GLIS3: variants seen among roughly 807,000 people sequenced by gnomAD.
The protein encoded by GLIS3 is zinc finger protein GLIS3.
In GLIS3, 53 loss-of-function variants were observed where a neutral mutation model predicts 78.6. The observed-to-expected ratio is 0.67, with a 90% CI of 0.54 to 0.85. The LOEUF (loss-of-function observed/expected upper bound fraction) is 0.85, where lower values mean the gene tolerates loss of function less well. Ranked by LOEUF, GLIS3 falls within the 40% of genes least tolerant of loss-of-function variation. The pLI is 0.00. For synonymous variants in GLIS3, 684 were observed against 509.9 expected, an observed-to-expected ratio of 1.34 and a Z score of -4.60; for missense variants, 1,703 against 1,231.1, an observed-to-expected ratio of 1.38 and a Z score of -5.74.
intron 6 of GLIS3, among the ~76,000 whole-genome samples, chr9:3,926,171 C>T (rs1446145329): frequency 1.3e-5 from 2 of 150,524 alleles, no homozygotes; most frequent in Non-Finnish European, 3.0e-5. Context: ...GTATCAGGTT[C>T]TTTTTTTAAA....
intron 2 of GLIS3, among the ~76,000 whole-genome samples, chr9:4,168,059 G>C (rs1477895715): frequency 1.3e-5 from 2 of 152,102 alleles, no homozygotes; most frequent in African/African-American, 2.4e-5. Flanking sequence ...AAAATACCTG[G>C]CCCGGTTAAA....
chr9:4,285,407 C>T (rs1467741221), intron 2 of GLIS3: 2 of 152,036 alleles, frequency 1.3e-5, no homozygotes, highest in Admixed American at 6.5e-5. Flanking sequence ...TCAAATTGAC[C>T]AGGTTTTCTA....
At chr9:3,911,891 C>T (rs965247090) in intron 6 of GLIS3, among the ~76,000 whole-genome samples, 18 of 152,294 alleles carry the variant, frequency 1.2e-4, no homozygotes, top group Admixed American at 1.2e-3. Context: ...GTAACATGCA[C>T]TCCTGTTTTC....
chr9:3,862,425 A>G (rs955507610), intron 8 of GLIS3, among the ~76,000 whole-genome samples: 1 of 152,200 alleles, frequency 6.6e-6, no homozygotes, highest in African/African-American at 2.4e-5. Context: ...TGCACAACAT[A>G]GTATATACCT....
chr9:4,154,817 T>C (rs757359630), intron 2 of GLIS3, among the ~76,000 whole-genome samples: 46 of 152,194 alleles, frequency 3.0e-4, no homozygotes, highest in Non-Finnish European at 5.4e-4. Flanking sequence ...CCTATGGACA[T>C]ATTTAGACAT....
the GLIS3 span, among the ~76,000 whole-genome samples, chr9:4,413,086 G>T: frequency 6.6e-6 from 1 of 152,164 alleles, no homozygotes; most frequent in East Asian, 1.9e-4. Flanking sequence ...AATACAACAT[G>T]CTCAATAGAT....
intron 4 of GLIS3, among the ~76,000 whole-genome samples, chr9:3,967,246 G>A (rs537021342): frequency 1.3e-5 from 2 of 152,300 alleles, no homozygotes; most frequent in South Asian, 2.1e-4. Context: ...GCCCATGCCT[G>A]TAATCCCAGC....
intron 4 of GLIS3, among the ~76,000 whole-genome samples, chr9:4,023,874 A>T (rs1823086691): frequency 6.6e-6 from 1 of 152,180 alleles, no homozygotes; most frequent in South Asian, 2.1e-4. Flanking sequence ...AAAAACTCAT[A>T]CAGCATTTTG....
intron 10 of GLIS3, 43 bp from the exon 11 acceptor site, chr9:3,828,451 A>T (rs374480904): frequency 6.2e-7 from 1 of 1,609,698 alleles, no homozygotes; most frequent in African/African-American, 1.3e-5. Flanking sequence ...CTCCTGCCCC[A>T]TGCCACGCCC....
intron 6 of GLIS3, among the ~76,000 whole-genome samples, chr9:3,899,368 A>G (rs945792732): frequency 2.6e-5 from 4 of 152,210 alleles, no homozygotes; most frequent in African/African-American, 7.2e-5. Context: ...ACAAAACTCC[A>G]ACAGTCAGTT....
At chr9:4,019,111 T>C (rs1388546007) in intron 4 of GLIS3, among the ~76,000 whole-genome samples, 1 of 152,138 alleles carries the variant, frequency 6.6e-6, no homozygotes, top group Non-Finnish European at 1.5e-5. Flanking sequence ...TGATGCGGGA[T>C]GAAGGATGGG....
chr9:4,012,259 A>G (rs1822075568), intron 4 of GLIS3, among the ~76,000 whole-genome samples: 1 of 152,202 alleles, frequency 6.6e-6, no homozygotes, highest in African/African-American at 2.4e-5. Flanking sequence ...GCCTGGCATG[A>G]GCAACATCAA....
chr9:4,330,482 T>G (rs1486666879), intron 2 of GLIS3, among the ~76,000 whole-genome samples: 1 of 152,154 alleles, frequency 6.6e-6, no homozygotes, highest in Non-Finnish European at 1.5e-5. Flanking sequence ...AAAGACCCAG[T>G]CAGTCAAAGA....
At chr9:4,302,493 A>T (rs1303407651), upstream of GLIS3, among the ~76,000 whole-genome samples, 1 of 152,260 alleles carries the variant, frequency 6.6e-6, no homozygotes, top group African/African-American at 2.4e-5. Context: ...AGGATATTAC[A>T]GAAAACTTTT....
chr9:4,257,417 T>G (rs190386175), intron 2 of GLIS3, among the ~76,000 whole-genome samples: 144 of 152,288 alleles, frequency 9.5e-4, no homozygotes, highest in African/African-American at 3.4e-3. Context: ...GCATAAGGAC[T>G]AAAGTTAATA....
intron 4 of GLIS3, among the ~76,000 whole-genome samples, chr9:4,014,513 G>C (rs1822283867): frequency 6.6e-6 from 1 of 152,162 alleles, no homozygotes; most frequent in Admixed American, 6.5e-5. Context: ...ATGGCCATGT[G>C]AAAATGCAGG....
At chr9:4,284,601 AG>A (rs1156874581) in intron 2 of GLIS3, among the ~76,000 whole-genome samples, 2 of 151,936 alleles carry the variant, frequency 1.3e-5, no homozygotes, top group Admixed American at 6.6e-5. Context: ...CCAAAAAAAA[AG>A]AAGAAGAAGA....
the GLIS3 span, among the ~76,000 whole-genome samples, chr9:4,360,919 C>A: frequency 6.6e-6 from 1 of 152,226 alleles, no homozygotes; most frequent in Non-Finnish European, 1.5e-5. Flanking sequence ...AGAGGAATAT[C>A]TGATGGCATT....
At chr9:4,227,254 A>G (rs1179906846) in intron 2 of GLIS3, among the ~76,000 whole-genome samples, 1 of 151,808 alleles carries the variant, frequency 6.6e-6, no homozygotes, top group Non-Finnish European at 1.5e-5. Context: ...CTAGAAAGAC[A>G]GGACAGAATT....
Sources: allele counts gnomAD v4.1 joint callset (sites outside exome capture counted in the v4.1 genomes callset), GRCh38; gene constraint gnomAD v4.1.1; transcripts MANE v1.5; gene names NCBI Gene and HGNC (gene_info 2026-07-23, HGNC 2026-07-21).